ATG10: variants seen among roughly 807,000 people sequenced by gnomAD.
The protein encoded by ATG10 is autophagy related 10, also known as ubiquitin-like-conjugating enzyme ATG10.
Under a neutral mutation model 32.1 loss-of-function variants are expected in ATG10, and 30 were observed. The ratio of observed to expected loss-of-function variants is 0.94; its 90% CI spans 0.70 to 1.27. The LOEUF (loss-of-function observed/expected upper bound fraction) is 1.27, where lower values mean the gene tolerates loss of function less well. Ranked by LOEUF, ATG10 falls within the 50% of genes most tolerant of loss-of-function variation. The pLI is 0.00. For synonymous variants in ATG10, 87 were observed against 91.5 expected (o/e 0.95, Z 0.28); for missense variants, 233 against 262.3 (o/e 0.89, Z 0.77).
rs148313381 is a variant in ATG10 at position 82,078,117 on chromosome 5, T to G, written c.216+19515T>G. Among the ~76,000 whole-genome samples, 18 of 152,346 alleles carry G rather than the reference T, an allele frequency of 1.2e-4. 1 individual carries two copies. The East Asian group carries it at 3.5e-3, about 29-fold the overall frequency. Reference sequence around the variant, plus strand: ...GTTCTTTAATACTGAGATTCTATGATTTATATTTTACAGAGGATATACATT... The same window carrying G: ...GTTCTTTAATACTGAGATTCTATGAGTTATATTTTACAGAGGATATACATT... On this transcript the variant is annotated intron_variant, in intron 3 of 7. Coordinates refer to ENST00000282185, the MANE Select transcript of ATG10 (RefSeq NM_031482.5).
intron 4 of ATG10, among the ~76,000 whole-genome samples, chr5:82,177,378 G>A (rs867963051): frequency 5.9e-5 from 9 of 152,014 alleles, no homozygotes; most frequent in African/African-American, 2.2e-4. Context: ...AGTGATTTTT[G>A]GAGCTCTTGA....
intron 2 of ATG10, among the ~76,000 whole-genome samples, chr5:82,023,249 T>G (rs935638474): frequency 1.3e-5 from 2 of 152,100 alleles, no homozygotes; most frequent in Non-Finnish European, 2.9e-5. Context: ...TTTGAGATAC[T>G]AGATTATAGT....
At chr5:82,232,010 T>C (rs567832775) in intron 5 of ATG10, among the ~76,000 whole-genome samples, 1 of 152,368 alleles carries the variant, frequency 6.6e-6, no homozygotes, top group South Asian at 2.1e-4. Context: ...TATTTTATTT[T>C]GTGTTGCTCA....
chr5:82,248,599 A>C (rs2150027776), intron 5 of ATG10, among the ~76,000 whole-genome samples: 1 of 152,344 alleles, frequency 6.6e-6, no homozygotes, highest in Non-Finnish European at 1.5e-5. Flanking sequence ...TCCAGGACCC[A>C]AAAATGGTTA....
intron 5 of ATG10, among the ~76,000 whole-genome samples, chr5:82,226,024 T>A (rs1746117279): frequency 6.6e-6 from 1 of 152,182 alleles, no homozygotes; most frequent in Non-Finnish European, 1.5e-5. Flanking sequence ...TAAAGTCAAT[T>A]CATATTTATT....
At chr5:82,146,801 T>C (rs1416094242) in intron 3 of ATG10, among the ~76,000 whole-genome samples, 1 of 152,154 alleles carries the variant, frequency 6.6e-6, no homozygotes, top group East Asian at 1.9e-4. Context: ...AATGTCCTGT[T>C]TTTTAAAATC....
At chr5:82,055,052 C>A (rs1380439143) in intron 2 of ATG10, among the ~76,000 whole-genome samples, 35 of 152,060 alleles carry the variant, frequency 2.3e-4, no homozygotes, top group East Asian at 1.7e-3. Context: ...GGTGGTTCTC[C>A]TGCTTTTGAG....
At chr5:82,135,880 TTGC>T (rs1165950664) in intron 3 of ATG10, among the ~76,000 whole-genome samples, 1 of 152,202 alleles carries the variant, frequency 6.6e-6, no homozygotes, top group African/African-American at 2.4e-5. Flanking sequence ...CTCTAAGAAC[TTGC>T]TTTATGAATC....
At chr5:82,229,394 AT>A (rs1181349568) in intron 5 of ATG10, among the ~76,000 whole-genome samples, 1 of 152,226 alleles carries the variant, frequency 6.6e-6, no homozygotes, top group Non-Finnish European at 1.5e-5. Context: ...TTTACTGCTA[AT>A]TATATGAGTT....
chr5:82,168,987 T>C (rs1743690691), intron 4 of ATG10, among the ~76,000 whole-genome samples: 1 of 152,054 alleles, frequency 6.6e-6, no homozygotes, highest in African/African-American at 2.4e-5. Context: ...GTTGGGTTTC[T>C]TGAAGAGGTT....
At chr5:82,135,397 C>T (rs10474049) in intron 3 of ATG10, among the ~76,000 whole-genome samples, 70,398 of 152,058 alleles carry the variant, frequency 0.46, 17,418 homozygotes, top group East Asian at 0.78. Flanking sequence ...GCTGCTTTAG[C>T]TGTGTCCCAG....
At chr5:82,078,593 A>G (rs932850471) in intron 3 of ATG10, 1 of 152,268 alleles carries the variant, frequency 6.6e-6, no homozygotes, top group Non-Finnish European at 1.5e-5. Flanking sequence ...CCACTAGGTT[A>G]CATAAGGAGG....
chr5:81,984,823 G>C (rs1761205734), intron 1 of ATG10, among the ~76,000 whole-genome samples: 1 of 152,068 alleles, frequency 6.6e-6, no homozygotes, highest in Non-Finnish European at 1.5e-5. Context: ...AAATATTCTT[G>C]CTTGATCAAA....
chr5:82,105,304 AT>A (rs1281762143), intron 3 of ATG10, among the ~76,000 whole-genome samples: 2 of 151,836 alleles, frequency 1.3e-5, no homozygotes, highest in African/African-American at 4.8e-5. Context: ...TTTTCTGAAT[AT>A]TTTTTTCCAC....
At chr5:82,203,226 TAAA>T (rs879830876) in intron 5 of ATG10, among the ~76,000 whole-genome samples, 2 of 135,642 alleles carry the variant, frequency 1.5e-5, no homozygotes, top group African/African-American at 2.7e-5. Context: ...AGACTCCATC[TAAA>T]AAAAAAAAAA....
intron 4 of ATG10, among the ~76,000 whole-genome samples, chr5:82,167,013 C>T (rs1743611052): frequency 1.3e-5 from 2 of 152,046 alleles, no homozygotes; most frequent in Admixed American, 6.6e-5. Context: ...TTACATTACC[C>T]TTTCTTGTAT....
At chr5:82,121,362 CAAGACTATGGAA>C (rs1368858219) in intron 3 of ATG10, among the ~76,000 whole-genome samples, 5 of 152,178 alleles carry the variant, frequency 3.3e-5, no homozygotes, top group African/African-American at 1.2e-4. Flanking sequence ...GGTTTTGGAT[CAAGACTATGGAA>C]TGTTCTAGAT....
At chr5:82,047,833 G>A (rs1763277685) in intron 2 of ATG10, among the ~76,000 whole-genome samples, 1 of 152,172 alleles carries the variant, frequency 6.6e-6, no homozygotes, top group Admixed American at 6.5e-5. Context: ...TTTTCTTCTA[G>A]GGTTTTTATG....
intron 5 of ATG10, among the ~76,000 whole-genome samples, chr5:82,216,282 G>C (rs917871411): frequency 6.6e-6 from 1 of 152,176 alleles, no homozygotes; most frequent in African/African-American, 2.4e-5. Flanking sequence ...AGTGAATTTC[G>C]CTCTGGCCTG....
Sources: gnomAD v4.1 joint callset for allele counts (sites outside exome capture counted in the v4.1 genomes callset) on GRCh38, gnomAD v4.1.1 for gene constraint, MANE v1.5 for transcripts, NCBI Gene and HGNC (gene_info 2026-07-23, HGNC 2026-07-21) for gene names.